Variants in CCDC40 observed in about 807,000 individuals in gnomAD.
CCDC40 encodes the protein coiled-coil domain 40 molecular ruler complex subunit.
CCDC40 carries 104 observed loss-of-function variants against 124.5 expected under a neutral mutation model. The observed-to-expected ratio is 0.84, with a 90% CI of 0.71 to 0.98. The LOEUF (loss-of-function observed/expected upper bound fraction) is 0.98, where lower values mean the gene tolerates loss of function less well. Among genes scored for constraint, CCDC40 ranks in the 50% least tolerant of loss-of-function variants. The probability of loss-of-function intolerance (pLI) is 0.00; values close to 1 mark genes in which losing one functional copy is unlikely to be tolerated. For synonymous variants in CCDC40, 580 were observed against 602.9 expected, an observed-to-expected ratio of 0.96 and a Z score of 0.56; for missense variants, 1,463 against 1,503.9, an observed-to-expected ratio of 0.97 and a Z score of 0.45.
intron 10 of CCDC40, among the ~76,000 whole-genome samples, chr17:80,077,766 C>T (rs146246282): frequency 9.7e-4 from 147 of 152,314 alleles, no homozygotes; most frequent in Non-Finnish European, 1.2e-3. Context: ...CCGGCTTATT[C>T]GCTATTCCTG....
chr17:80,037,510 GGT>G (rs1188949745), intron 1 of CCDC40, among the ~76,000 whole-genome samples: 4 of 150,988 alleles, frequency 2.6e-5, no homozygotes, highest in Non-Finnish European at 3.0e-5. Context: ...TCTAATTCAG[GGT>G]GTGTGTGTGT....
At chr17:80,085,108 C>A in intron 13 of CCDC40, 120 bp downstream of exon 13, 1 of 1,292,648 alleles carries the variant, frequency 7.7e-7, no homozygotes, top group Non-Finnish European at 1.1e-6. Context: ...CTGCCTCTTT[C>A]CCTACCTGCT....
chr17:80,087,254 A>G lies in CCDC40; in HGVS notation c.2450-353A>G, dbSNP rs1164907864. The G allele has an allele frequency of 1.3e-5, 5 of 380,094 alleles. No homozygotes were observed. The highest frequency in any genetic ancestry group is 3.7e-5 in the Admixed American group (1 of 27,362). 23.5% of individuals were successfully genotyped at this position (380,094 alleles called of 1,614,324 possible). A position where few individuals can be genotyped will look rare whatever the true frequency, so the allele number is the denominator to read the frequency against. On this transcript the variant is annotated intron_variant, in intron 14 of 19. Coordinates refer to ENST00000397545, the MANE Select transcript of CCDC40 (RefSeq NM_017950.4). This position sits in a 1 kb window ranked among gnomAD's most constrained non-coding sequence, Gnocchi z 4.5. Reference sequence around the variant, plus strand: ...TCCTGGAGACTCACAGTGTCTGAGCATCAACCAGGTCCCGGTGCTCCACAG... The same window carrying G: ...TCCTGGAGACTCACAGTGTCTGAGCGTCAACCAGGTCCCGGTGCTCCACAG...
At chr17:80,054,251 A>C (rs558698932) in intron 7 of CCDC40, among the ~76,000 whole-genome samples, 1 of 152,200 alleles carries the variant, frequency 6.6e-6, no homozygotes, top group Non-Finnish European at 1.5e-5. Flanking sequence ...AATGAGGACA[A>C]CTTGGGGGAG....
Position 80,086,144 on chromosome 17 carries a change from G to C in CCDC40, c.2377G>C (p.Glu793Gln). 6.2e-7 allele frequency: 1 copy of C among 1,614,080 alleles called. No homozygotes were observed. Among genetic ancestry groups the C allele is most frequent in the African/African-American group, 1.3e-5 (1 of 75,030 alleles). Residue 793 changes from glutamate (E) to glutamine (Q), a missense_variant, in exon 14 of 20, where the codon GAG becomes CAG. Transcript: ENST00000397545. The surrounding 1 kb of genome is among the most constrained non-coding windows in gnomAD (Gnocchi z 5.5). ...GGTCAAGGTGACACAGGAGCAGGAG[G>C]AGCAGCTGGCCTCCCTGGACGCATC... Reference protein sequence around the residue: ...EMVKVTQEQEEQLASLDASKK... With the variant: ...EMVKVTQEQEQQLASLDASKK...
Position 80,095,376 on chromosome 17 carries a change from C to G in CCDC40, c.2946C>G (p.Asp982Glu). 1 of 1,614,134 alleles carries G rather than the reference C, an allele frequency of 6.2e-7. No individual in the cohort carries two copies. Among genetic ancestry groups the G allele is most frequent in the Non-Finnish European group, 8.5e-7 (1 of 1,180,054 alleles). Residue 982 changes from aspartate to glutamate, a missense_variant, in exon 18 of 20, where the codon GAC becomes GAG. Transcript: ENST00000397545. ...AGGCCGAGGGGCAGCGCAAGATGGACAGGAAGGCGCTCACCCGCACCGACT... is the reference window on the plus strand; with the variant it reads ...AGGCCGAGGGGCAGCGCAAGATGGAGAGGAAGGCGCTCACCCGCACCGACT... ...TTQAEGQRKM[D>E]RKALTRTDFH...
intron 18 of CCDC40, among the ~76,000 whole-genome samples, chr17:80,095,875 G>A (rs1240835819): frequency 6.6e-6 from 1 of 152,242 alleles, no homozygotes; most frequent in Non-Finnish European, 1.5e-5. Flanking sequence ...TCATGCTGGG[G>A]AGCCCGAGTG....
Position 80,090,233 on chromosome 17 carries a change from A to G in CCDC40, c.2832+349A>G, listed in dbSNP as rs371158080. On this transcript the variant is annotated intron_variant, in intron 17 of 19. Transcript: ENST00000397545. ...TGCACGAAGAACACGGGACGCGCGCAGGCACGTGCACGAACAACACGGGAC... is the reference window on the plus strand; with the variant it reads ...TGCACGAAGAACACGGGACGCGCGCGGGCACGTGCACGAACAACACGGGAC... 11,702 of 925,708 alleles carry G rather than the reference A, an allele frequency of 0.013. 917 individuals are homozygous for G. The Admixed American group carries it at 0.13, about 11-fold the overall frequency. 57.3% of individuals were successfully genotyped at this position (925,708 alleles called of 1,614,324 possible). A position where few individuals can be genotyped will look rare whatever the true frequency, so the allele number is the denominator to read the frequency against.
At position 80,050,007 on chromosome 17, in the gene CCDC40, C is replaced by T. The variant is rs748043127; in HGVS notation, c.939+18C>T. 5.0e-6 allele frequency: 8 copies of T among 1,612,952 alleles called. No homozygotes were observed. The highest frequency in any genetic ancestry group is 5.9e-6 in the Non-Finnish European group (7 of 1,178,952). On this transcript the variant is annotated intron_variant, in intron 6 of 19. Coordinates refer to ENST00000397545, the MANE Select transcript of CCDC40 (RefSeq NM_017950.4). Reference sequence around the variant, plus strand: ...AAGAGCTGGTGTGTATCCGTCCAGTCTCCCACCCTGGTCGGATGCCTGCGT... The same window carrying T: ...AAGAGCTGGTGTGTATCCGTCCAGTTTCCCACCCTGGTCGGATGCCTGCGT...
chr17:80,039,889 A>G lies in CCDC40; in HGVS notation c.171A>G (p.Thr57=). The G allele has an allele frequency of 6.2e-7, 1 of 1,613,950 alleles. No individual in the cohort carries two copies. The highest frequency in any genetic ancestry group is 8.5e-7 in the Non-Finnish European group (1 of 1,179,956). Residue 57 remains threonine (T), a synonymous_variant, in exon 3 of 20, where the codon ACA becomes ACG. Coordinates refer to ENST00000397545, the MANE Select transcript of CCDC40 (RefSeq NM_017950.4). ...GCACAGAGCATCCTGAGGAAGTCAC[A>G]ACCCAAGCGGAAGCTGCAATTGAAG... ...VGSTEHPEEV[T]TQAEAAIEEG... is the part of the protein sequence containing the mutation.
rs372648222 is a variant in CCDC40, at chr17:80,086,248, T to C, written c.2449+32T>C. On this transcript the variant is annotated intron_variant, in intron 14 of 19. Coordinates refer to ENST00000397545, the MANE Select transcript of CCDC40 (RefSeq NM_017950.4). This position sits in a 1 kb window ranked among gnomAD's most constrained non-coding sequence, Gnocchi z 5.5. ...GCCGCCGTGCCCGGCCCTGCAGTGA[T>C]GCTGAGACGAGCTCTGGGACGTGGG... 12 of 1,546,556 alleles carry C rather than the reference T, an allele frequency of 7.8e-6. No homozygotes were observed. The highest frequency in any genetic ancestry group is 1.1e-5 in the Non-Finnish European group (12 of 1,140,106).
In CCDC40 at chr17:80,049,894, C is replaced by G. The variant is rs2037534140; in HGVS notation, c.856-12C>G. 2 of 1,612,920 alleles carry G rather than the reference C, an allele frequency of 1.2e-6. No homozygotes were observed. The highest frequency in any genetic ancestry group is 2.7e-5 in the African/African-American group (2 of 74,874). ...CAGAAAGGTAACCACCTGTGGTTTT[C>G]CATTGTTCTAGCCCCTGATGGTAAG... On this transcript the variant is annotated splice_polypyrimidine_tract_variant and intron_variant, in intron 5 of 19. Coordinates refer to ENST00000397545, the MANE Select transcript of CCDC40 (RefSeq NM_017950.4).
intron 10 of CCDC40, among the ~76,000 whole-genome samples, chr17:80,068,910 C>T (rs1488394113): frequency 6.6e-6 from 1 of 152,256 alleles, no homozygotes; most frequent in East Asian, 1.9e-4. Flanking sequence ...ACACAGACCC[C>T]TGCTCAGGGA....
intron 5 of CCDC40, among the ~76,000 whole-genome samples, chr17:80,049,430 GTC>G (rs1397583596): frequency 7.1e-6 from 1 of 141,680 alleles, no homozygotes; most frequent in Non-Finnish European, 1.6e-5. Context: ...AAAAAAAAAT[GTC>G]TCCAGTCATT....
chr17:80,090,644 C>T, intron 17 of CCDC40: 1 of 1,442,726 alleles, frequency 6.9e-7, no homozygotes, highest in Non-Finnish European at 9.1e-7. Flanking sequence ...AGAGAGCACC[C>T]CCATCTCATC....
intron 7 of CCDC40, among the ~76,000 whole-genome samples, chr17:80,056,132 A>G (rs1433012052): frequency 2.0e-5 from 3 of 149,322 alleles, no homozygotes; most frequent in Non-Finnish European, 3.0e-5. Context: ...GATTACAGGC[A>G]TAAGCCACTG....
At chr17:80,080,802 A>C (rs1305495294) in intron 10 of CCDC40, among the ~76,000 whole-genome samples, 1 of 152,178 alleles carries the variant, frequency 6.6e-6, no homozygotes, top group African/African-American at 2.4e-5. Flanking sequence ...AGATTTGGCT[A>C]TTGGCTGCAA....
intron 7 of CCDC40, among the ~76,000 whole-genome samples, chr17:80,056,005 TATATATATA>T (rs1402218113): frequency 2.1e-4 from 6 of 28,514 alleles, no homozygotes; most frequent in African/African-American, 6.5e-4. Flanking sequence ...TATATATATA[TATATATATA>T]TATTTTTTTT....
intron 9 of CCDC40, among the ~76,000 whole-genome samples, chr17:80,059,504 A>C (rs2037843205): frequency 2.0e-5 from 3 of 150,868 alleles, no homozygotes; most frequent in Admixed American, 1.3e-4. Flanking sequence ...AAAAAAAAAA[A>C]AAACTATGAG....
Sources: allele counts gnomAD v4.1 joint callset (sites outside exome capture counted in the v4.1 genomes callset), GRCh38; gene constraint gnomAD v4.1.1; non-coding constraint Gnocchi (gnomAD v3.1); transcripts MANE v1.5; gene names NCBI Gene and HGNC (gene_info 2026-07-23, HGNC 2026-07-21).